Variants in XKR6 observed in about 807,000 individuals in gnomAD.
XKR6 encodes XK-related protein 6.
Under a neutral mutation model 56.7 loss-of-function variants are expected in XKR6, and 22 were observed. The ratio of observed to expected loss-of-function variants is 0.39; its 90% CI spans 0.28 to 0.55. The LOEUF (loss-of-function observed/expected upper bound fraction) is 0.55. Ranked by LOEUF, XKR6 falls within the 20% of genes least tolerant of loss-of-function variation. The pLI is 0.66. For missense variants in XKR6, 852 were observed against 889.0 expected, an observed-to-expected ratio of 0.96 and a Z score of 0.53; for synonymous variants, 524 against 387.8, an observed-to-expected ratio of 1.35 and a Z score of -4.13.
chr8:11,155,930 G>A (rs1195734225), intron 1 of XKR6, among the ~76,000 whole-genome samples: 1 of 152,176 alleles, frequency 6.6e-6, no homozygotes, highest in Non-Finnish European at 1.5e-5. Context: ...CTCTCCTGAT[G>A]CAATGAAGGA....
At chr8:11,144,865 G>A (rs1800900089) in intron 1 of XKR6, among the ~76,000 whole-genome samples, 1 of 151,236 alleles carries the variant, frequency 6.6e-6, no homozygotes, top group South Asian at 2.1e-4. Context: ...GGGAGGGGTA[G>A]GGAGGGGAAA....
At chr8:11,178,547 A>ATATATATATATATATATAC (rs1802779230) in intron 1 of XKR6, among the ~76,000 whole-genome samples, 2 of 88,508 alleles carry the variant, frequency 2.3e-5, no homozygotes, top group African/African-American at 1.2e-4. Context: ...GAGAGGTAAA[A>ATATATATATATATATATAC]ATATATATAT....
intron 1 of XKR6, among the ~76,000 whole-genome samples, chr8:10,972,697 G>C (rs1008260029): frequency 6.6e-6 from 1 of 152,204 alleles, no homozygotes; most frequent in African/African-American, 2.4e-5. Context: ...GCTTGCCAGG[G>C]GCTGGGGAAA....
chr8:10,898,975 G>C lies in XKR6; in HGVS notation c.962-59C>G. Reference sequence around the variant, plus strand: ...CCTTGGACATCAACCGCAGGGCACAGTGAAGCTGCCGGCTGAGGAGACGCC... The same window carrying C: ...CCTTGGACATCAACCGCAGGGCACACTGAAGCTGCCGGCTGAGGAGACGCC... On this transcript the variant is annotated intron_variant, in intron 2 of 2. Transcript: ENST00000416569. The surrounding 1 kb of genome is among the most constrained non-coding windows in gnomAD (Gnocchi z 6.6). 6.6e-7 allele frequency: 1 copy of C among 1,522,320 alleles called. No individual in the cohort carries two copies. Among genetic ancestry groups the C allele is most frequent in the Non-Finnish European group, 8.8e-7 (1 of 1,142,748 alleles). The allele number at this position is 1,522,320 out of a possible 1,614,324, so 94.3% of individuals were successfully genotyped here. A position where few individuals can be genotyped will look rare whatever the true frequency, so the allele number is the denominator to read the frequency against.
chr8:11,110,243 G>A (rs986890049), intron 1 of XKR6, among the ~76,000 whole-genome samples: 3 of 152,134 alleles, frequency 2.0e-5, no homozygotes, highest in African/African-American at 7.2e-5. Context: ...AAAGTGCTGG[G>A]ATTACAGGCG....
chr8:11,180,984 C>G (rs991257586), intron 1 of XKR6, among the ~76,000 whole-genome samples: 1 of 152,100 alleles, frequency 6.6e-6, no homozygotes, highest in African/African-American at 2.4e-5. Flanking sequence ...TAATGACATA[C>G]AGGGTTAGAA....
At chr8:11,058,908 T>C (rs1799755209) in intron 1 of XKR6, among the ~76,000 whole-genome samples, 2 of 152,204 alleles carry the variant, frequency 1.3e-5, no homozygotes, top group South Asian at 4.1e-4. Flanking sequence ...AACGCGAAGG[T>C]GTACAGAAGA....
intron 2 of XKR6, among the ~76,000 whole-genome samples, chr8:10,912,651 T>TTTGA (rs1397411775): frequency 2.2e-5 from 1 of 45,138 alleles, no homozygotes; most frequent in African/African-American, 1.2e-4. Context: ...AAAGAGGGTG[T>TTTGA]CTATATGTGT....
At chr8:11,197,459 TCTCA>T (rs1803952069) in intron 1 of XKR6, among the ~76,000 whole-genome samples, 1 of 152,174 alleles carries the variant, frequency 6.6e-6, no homozygotes, top group Non-Finnish European at 1.5e-5. Context: ...AAGAAAATGC[TCTCA>T]CTCTCTATTA....
At position 11,013,387 on chromosome 8, in the gene XKR6, C is replaced by G. The variant is rs149332598; in HGVS notation, c.765-88557G>C. On this transcript the variant is annotated intron_variant, in intron 1 of 2. Transcript: ENST00000416569. ...CAAAGTGAGATCTAAGAACATGAAC[C>G]CTGAGGGCCACAGAGGTGAAGCTTC... 1.9e-3 allele frequency among the ~76,000 whole-genome samples: 293 copies of G among 152,148 alleles called. 1 individual carries two copies. The highest frequency in any genetic ancestry group is 6.7e-3 in the African/African-American group (279 of 41,506).
chr8:10,921,404 C>T (rs974793245), intron 2 of XKR6, among the ~76,000 whole-genome samples: 12 of 152,172 alleles, frequency 7.9e-5, no homozygotes, highest in African/African-American at 2.9e-4. Flanking sequence ...GCGGGTGGTA[C>T]CATGAGGATG....
At chr8:11,115,202 A>T (rs1206011171) in intron 1 of XKR6, among the ~76,000 whole-genome samples, 1 of 152,172 alleles carries the variant, frequency 6.6e-6, no homozygotes, top group Non-Finnish European at 1.5e-5. Flanking sequence ...TCAACTCATC[A>T]TGTGTCTGTC....
At chr8:10,955,556 T>C (rs2129128410) in intron 1 of XKR6, among the ~76,000 whole-genome samples, 1 of 152,288 alleles carries the variant, frequency 6.6e-6, no homozygotes, top group East Asian at 1.9e-4. Context: ...TCGTATGTAT[T>C]AACTCATGTA....
intron 1 of XKR6, among the ~76,000 whole-genome samples, chr8:11,139,162 G>T (rs1563166899): frequency 6.6e-6 from 1 of 152,098 alleles, no homozygotes; most frequent in South Asian, 2.1e-4. Context: ...TCCACAACAA[G>T]GGTGTTATTT....
chr8:10,898,825 G>C lies in XKR6; in HGVS notation c.1053C>G (p.Ser351Arg), dbSNP rs960179742. The C allele has an allele frequency of 3.7e-6, 6 of 1,614,088 alleles. No individual in the cohort carries two copies. The highest frequency in any genetic ancestry group is 5.1e-6 in the Non-Finnish European group (6 of 1,180,058). The change falls in exon 3 of 3, where the codon AGC becomes AGG. Residue 351 changes from serine (S) to arginine (R), a missense_variant. Ser to Arg is a moderately radical substitution (Grantham distance 110, BLOSUM62 -1). Around this residue, in one of 4 missense-constraint regions of XKR6, gnomAD observed 199 missense variants for 280.4 expected, o/e 0.71. Transcript: ENST00000416569. The surrounding 1 kb of genome is among the most constrained non-coding windows in gnomAD (Gnocchi z 6.6). ...GGATGATGGCCCCTCTGTAGCTCAT[G>C]CTCTTCTTGTCGTCCCTGGAGTCCC... The part of the protein sequence containing the change: ...LLRDSRDDKK[S>R]MSYRGAIIQV...
intron 1 of XKR6, among the ~76,000 whole-genome samples, chr8:10,945,643 G>A (rs145190152): frequency 1.3e-5 from 2 of 152,274 alleles, no homozygotes; most frequent in East Asian, 1.9e-4. Flanking sequence ...TGAGGCACAC[G>A]ACCTGGTACT....
chr8:10,986,185 G>A (rs1797860330), intron 1 of XKR6, among the ~76,000 whole-genome samples: 1 of 152,344 alleles, frequency 6.6e-6, no homozygotes, highest in South Asian at 2.1e-4. Context: ...CAGAGGAGTA[G>A]ATTATTTAAT....
rs749377142 is a variant in XKR6, at chr8:11,200,662, G to T, written c.678C>A (p.Pro226=). 6 of 1,556,554 alleles carry T rather than the reference G, an allele frequency of 3.9e-6. No individual in the cohort carries two copies. The highest frequency in any genetic ancestry group is 4.3e-6 in the Non-Finnish European group (5 of 1,162,568). ...ARGGPGVRVS[P]TPGAQRLCRL... is the part of the protein sequence containing the mutation. ...GACACAGGCGCTGCGCCCCCGGCGTGGGGGAGACCCTCACGCCTGGGCCAC... is the reference window on the plus strand; with the variant it reads ...GACACAGGCGCTGCGCCCCCGGCGTTGGGGAGACCCTCACGCCTGGGCCAC... The change falls in exon 1 of 3, where the codon CCC becomes CCA. Residue 226 remains proline (P), a synonymous_variant. Coordinates refer to ENST00000416569, the MANE Select transcript of XKR6 (RefSeq NM_173683.4). This position sits in a 1 kb window ranked among gnomAD's most constrained non-coding sequence, Gnocchi z 6.4.
intron 1 of XKR6, among the ~76,000 whole-genome samples, chr8:11,001,190 C>G (rs925628182): frequency 6.6e-6 from 1 of 152,192 alleles, no homozygotes; most frequent in African/African-American, 2.4e-5. Context: ...TACTCAACCA[C>G]AACTCAGTGA....
Sources: allele counts gnomAD v4.1 joint callset (sites outside exome capture counted in the v4.1 genomes callset), GRCh38; gene constraint gnomAD v4.1.1; regional missense constraint gnomAD v4.1.1; non-coding constraint Gnocchi (gnomAD v3.1); transcripts MANE v1.5; gene names NCBI Gene and HGNC (gene_info 2026-07-23, HGNC 2026-07-21).